The following ROBO1 variants were observed in gnomAD, a reference collection of about 807,000 sequenced individuals.
The protein encoded by ROBO1 is roundabout guidance receptor 1.
Under a neutral mutation model 195.9 loss-of-function variants are expected in ROBO1, and 149 were observed. That is an observed-to-expected ratio of 0.76 (90% CI 0.67 to 0.87). ROBO1 has a LOEUF of 0.87. ROBO1 is among the 40% of genes least tolerant of loss of function. ROBO1 has a pLI of 0.00. For synonymous variants in ROBO1, 816 were observed against 733.2 expected (o/e 1.11, Z -1.82); for missense variants, 1,933 against 2,068.3 (o/e 0.93, Z 1.27).
intron 1 of ROBO1, among the ~76,000 whole-genome samples, chr3:79,765,746 G>T (rs1222037795): frequency 6.6e-6 from 1 of 152,078 alleles, no homozygotes; most frequent in African/African-American, 2.4e-5. Flanking sequence ...CTTCCCCCAG[G>T]TGCTCAATCA....
chr3:79,208,380 C>A (rs2081910092), intron 2 of ROBO1, among the ~76,000 whole-genome samples: 1 of 152,144 alleles, frequency 6.6e-6, no homozygotes, highest in Admixed American at 6.6e-5. Flanking sequence ...CAGTGGTGAA[C>A]AAGCAGTGGG....
chr3:79,299,840 A>G (rs2032806091), intron 2 of ROBO1, among the ~76,000 whole-genome samples: 1 of 151,718 alleles, frequency 6.6e-6, no homozygotes, highest in Non-Finnish European at 1.5e-5. Context: ...TCAACTCAAG[A>G]AACACTAAAA....
At chr3:79,088,760 G>C (rs1443227508) in intron 3 of ROBO1, among the ~76,000 whole-genome samples, 1 of 151,950 alleles carries the variant, frequency 6.6e-6, no homozygotes, top group Non-Finnish European at 1.5e-5. Context: ...GTTAACAAAA[G>C]CTAATTATCT....
chr3:78,988,188 T>C (rs1329551320), intron 3 of ROBO1, among the ~76,000 whole-genome samples: 1 of 152,122 alleles, frequency 6.6e-6, no homozygotes, highest in African/African-American at 2.4e-5. Context: ...TTGCTCTCTC[T>C]CTTTTTCTCT....
rs190171391 is a variant in ROBO1, at chr3:79,361,656, A to C, written c.88+228168T>G. ...CGCTGCGATGGCTGATAAAAATGTC[A>C]GTATAGAAAAGAGTAATATTCATTT... On this transcript the variant is annotated intron_variant, in intron 2 of 30. Coordinates refer to ENST00000464233, the MANE Select transcript of ROBO1 (RefSeq NM_002941.4). Among the ~76,000 whole-genome samples, 385 of 152,230 alleles carry C rather than the reference A, an allele frequency of 2.5e-3. 20 individuals carry two copies. In the South Asian group the frequency reaches 0.077, roughly 31 times the overall value.
chr3:79,654,018 C>A (rs922777160), intron 1 of ROBO1, among the ~76,000 whole-genome samples: 8 of 152,046 alleles, frequency 5.3e-5, no homozygotes, highest in African/African-American at 1.9e-4. Flanking sequence ...AGTTAAAAAA[C>A]CTTATGACAT....
At chr3:78,891,956 T>C (rs2036924213) in intron 4 of ROBO1, among the ~76,000 whole-genome samples, 1 of 152,242 alleles carries the variant, frequency 6.6e-6, no homozygotes, top group Admixed American at 6.5e-5. Context: ...GAAAAACTAA[T>C]GAGGAAATTT....
chr3:79,036,531 T>C (rs2078383530), intron 3 of ROBO1, among the ~76,000 whole-genome samples: 1 of 152,178 alleles, frequency 6.6e-6, no homozygotes, highest in Non-Finnish European at 1.5e-5. Context: ...ATGTAGATGG[T>C]CTTACACAAA....
At chr3:79,172,903 C>T (rs2081192076) in intron 2 of ROBO1, among the ~76,000 whole-genome samples, 1 of 152,166 alleles carries the variant, frequency 6.6e-6, no homozygotes, top group Non-Finnish European at 1.5e-5. Context: ...TTGATCCTCC[C>T]AGGAAAAGTT....
chr3:78,688,900 A>G, intron 8 of ROBO1, 128 bp from the exon 9 acceptor site: 1 of 865,930 alleles, frequency 1.2e-6, no homozygotes, highest in Non-Finnish European at 1.6e-6. Context: ...GTCATGATAT[A>G]CCAATTCTTG....
At chr3:78,748,701 G>A (rs963547718) in intron 4 of ROBO1, among the ~76,000 whole-genome samples, 5 of 151,676 alleles carry the variant, frequency 3.3e-5, no homozygotes, top group African/African-American at 1.2e-4. Flanking sequence ...CAACCAACTA[G>A]ATGTATCCAT....
At chr3:79,084,499 A>G (rs1399122069) in intron 3 of ROBO1, among the ~76,000 whole-genome samples, 1 of 152,204 alleles carries the variant, frequency 6.6e-6, no homozygotes, top group Non-Finnish European at 1.5e-5. Flanking sequence ...CTCCATCTCA[A>G]AAAAAGAGAA....
chr3:79,693,008 T>C (rs1041692169), intron 1 of ROBO1, among the ~76,000 whole-genome samples: 2 of 151,792 alleles, frequency 1.3e-5, no homozygotes, highest in African/African-American at 4.8e-5. Flanking sequence ...ATCCATTGCA[T>C]AAGGTCAGGT....
chr3:79,763,419 G>A (rs960750716), intron 1 of ROBO1, among the ~76,000 whole-genome samples: 4 of 152,108 alleles, frequency 2.6e-5, no homozygotes, highest in East Asian at 3.9e-4. Context: ...AAATTACTTG[G>A]AATTTCAGAG....
At chr3:78,830,379 C>A (rs1418840169) in intron 4 of ROBO1, among the ~76,000 whole-genome samples, 1 of 152,142 alleles carries the variant, frequency 6.6e-6, no homozygotes, top group African/African-American at 2.4e-5. Context: ...GATTATAATC[C>A]ACTGTATTAA....
intron 3 of ROBO1, among the ~76,000 whole-genome samples, chr3:79,031,605 T>C (rs2078296934): frequency 1.3e-5 from 2 of 152,226 alleles, no homozygotes. Context: ...GCACCTATTC[T>C]TTTTATATTA....
intron 8 of ROBO1, among the ~76,000 whole-genome samples, chr3:78,711,440 T>TTTCTTTCTTTCCTTCCTTCCTTCC (rs770070756): frequency 4.8e-5 from 2 of 41,642 alleles, no homozygotes; most frequent in African/African-American, 7.9e-5. Flanking sequence ...TCTTTCTTTC[T>TTTCTTTCTTTCCTTCCTTCCTTCC]TTCCTTCCTT....
At chr3:79,333,061 G>GC (rs1283079418) in intron 2 of ROBO1, among the ~76,000 whole-genome samples, 2 of 151,332 alleles carry the variant, frequency 1.3e-5, no homozygotes, top group East Asian at 4.0e-4. Flanking sequence ...AAATTAGCCA[G>GC]GGGGGGTAGC....
At chr3:78,602,802 T>C (rs1402380084) in intron 29 of ROBO1, among the ~76,000 whole-genome samples, 1 of 152,172 alleles carries the variant, frequency 6.6e-6, no homozygotes, top group African/African-American at 2.4e-5. Flanking sequence ...ACTCAACCTG[T>C]TGAACATTGA....
Sources: allele counts gnomAD v4.1 joint callset (sites outside exome capture counted in the v4.1 genomes callset), GRCh38; gene constraint gnomAD v4.1.1; transcripts MANE v1.5; gene names NCBI Gene and HGNC (gene_info 2026-07-23, HGNC 2026-07-21).